Variants in OXNAD1 observed in about 807,000 individuals in gnomAD.
OXNAD1 encodes the protein oxidoreductase NAD binding domain containing 1.
In OXNAD1, 34 loss-of-function variants were observed where a neutral mutation model predicts 32.9. The observed-to-expected ratio is 1.03, with a 90% confidence interval of 0.79 to 1.38. OXNAD1 has a LOEUF of 1.38. OXNAD1 is among the 40% of genes most tolerant of loss of function. The probability of loss-of-function intolerance (pLI) is 0.00; values close to 1 mark genes in which losing one functional copy is unlikely to be tolerated. For missense variants in OXNAD1, 407 were observed against 379.4 expected, an observed-to-expected ratio of 1.07 and a Z score of -0.60; for synonymous variants, 134 against 135.2, an observed-to-expected ratio of 0.99 and a Z score of 0.06.
chr3:16,340,881 T>C (rs1301553968), downstream of OXNAD1, among the ~76,000 whole-genome samples: 2 of 152,136 alleles, frequency 1.3e-5, no homozygotes, highest in East Asian at 3.8e-4. Flanking sequence ...AGTCAAAGAC[T>C]AGGAGAAATA....
downstream of OXNAD1, among the ~76,000 whole-genome samples, chr3:16,306,457 A>T (rs1422351102): frequency 1.3e-5 from 2 of 152,240 alleles, no homozygotes; most frequent in Non-Finnish European, 2.9e-5. Context: ...AACACAAGTG[A>T]CAATGATTCC....
chr3:16,315,414 C>A (rs1382962407), intron 9 of OXNAD1, among the ~76,000 whole-genome samples: 1 of 152,130 alleles, frequency 6.6e-6, no homozygotes, highest in African/African-American at 2.4e-5. Flanking sequence ...CCATGCCTGG[C>A]CTACAAATGT....
In OXNAD1 at chr3:16,287,082, AC is replaced by A. The variant is rs2066124837; in HGVS notation, c.290+635del. Among the ~76,000 whole-genome samples, 1 of 152,222 alleles carries A rather than the reference AC, an allele frequency of 6.6e-6. No homozygotes were observed. Among genetic ancestry groups the A allele is most frequent in the Non-Finnish European group, 1.5e-5 (1 of 68,048 alleles). On this transcript the variant is annotated intron_variant, in intron 5 of 8. Coordinates refer to ENST00000285083, the MANE Select transcript of OXNAD1 (RefSeq NM_138381.5). The surrounding 1 kb of genome is among the most constrained non-coding windows in gnomAD (Gnocchi z 4.8). Reference sequence around the variant, plus strand: ...TGACTCGGGACTGATCAGCATGCTGACTGGGTAACATTTCCTCCGAATGGGG... The same window carrying A: ...TGACTCGGGACTGATCAGCATGCTGATGGGTAACATTTCCTCCGAATGGGG...
intron 9 of OXNAD1, among the ~76,000 whole-genome samples, chr3:16,319,136 T>C (rs1475999645): frequency 6.6e-6 from 1 of 152,132 alleles, no homozygotes; most frequent in African/African-American, 2.4e-5. Flanking sequence ...AGTCTCTCCT[T>C]TTTTTTAATG....
In OXNAD1 at chr3:16,287,546, A is replaced by G. The variant is rs895694953; in HGVS notation, c.290+1098A>G. 6.6e-6 allele frequency among the ~76,000 whole-genome samples: 1 copy of G among 152,216 alleles called. No individual in the cohort carries two copies. The highest frequency in any genetic ancestry group is 1.5e-5 in the Non-Finnish European group (1 of 68,038). Reference sequence around the variant, plus strand: ...CTTCAAAAATGGTTTAGCAGTCATTATATTGAAAAGTGGAAACTTTAATTG... The same window carrying G: ...CTTCAAAAATGGTTTAGCAGTCATTGTATTGAAAAGTGGAAACTTTAATTG... On this transcript the variant is annotated intron_variant, in intron 5 of 8. Coordinates refer to ENST00000285083, the MANE Select transcript of OXNAD1 (RefSeq NM_138381.5). This position sits in a 1 kb window ranked among gnomAD's most constrained non-coding sequence, Gnocchi z 4.8.
downstream of OXNAD1, among the ~76,000 whole-genome samples, chr3:16,352,018 G>A (rs1433960966): frequency 6.6e-6 from 1 of 152,198 alleles, no homozygotes; most frequent in Admixed American, 6.5e-5. The surrounding 1 kb of genome is among the most constrained non-coding windows in gnomAD (Gnocchi z 4.6). Context: ...TACTTCAGCA[G>A]ACACTCAACT....
rs752267754 is a variant in OXNAD1 at position 16,345,822 on chromosome 3, GCGCGCGTGCGCGCA to G, written c.*31-3348_*31-3335del. Among the ~76,000 whole-genome samples, 56 of 67,850 alleles carry G rather than the reference GCGCGCGTGCGCGCA, an allele frequency of 8.3e-4. No homozygotes were observed. The highest frequency in any genetic ancestry group is 1.6e-3 in the East Asian group (4 of 2,444). 44.5% of individuals were successfully genotyped at this position (67,850 alleles called of 152,430 possible). ...TGTGTGTGTGTGTGTGTGTGTGCGC[GCGCGCGTGCGCGCA>G]CGCGCACATGTGCATGTGTATGTGT... On this transcript the variant is annotated intron_variant, in intron 9 of 9. Transcript: ENST00000606098. This position sits in a 1 kb window ranked among gnomAD's most constrained non-coding sequence, Gnocchi z 5.2.
rs748645999 is a variant in OXNAD1, at chr3:16,317,135, T to C, written c.*30+13543T>C. ...AGACTGGTCTTCTAAGTTCTTCTCA[T>C]TTTCTTCTGCTTGTTGTTTGTCTCT... On this transcript the variant is annotated intron_variant, in intron 9 of 9. Coordinates refer to the OXNAD1 transcript ENST00000435829. The surrounding 1 kb of genome is among the most constrained non-coding windows in gnomAD (Gnocchi z 4.3). The C allele has an allele frequency of 1.2e-6, 2 of 1,613,806 alleles. No homozygotes were observed.
Position 16,271,421 on chromosome 3 carries a change from C to A in OXNAD1, c.120-238C>A, listed in dbSNP as rs2064931893. ...CTTTCTCCATGTTGGCCAGGCTGGTCTCGTACTCCTGACGTCAGATGATCT... is the reference window on the plus strand; with the variant it reads ...CTTTCTCCATGTTGGCCAGGCTGGTATCGTACTCCTGACGTCAGATGATCT... On this transcript the variant is annotated intron_variant, in intron 3 of 8. Transcript: ENST00000285083. This position sits in a 1 kb window ranked among gnomAD's most constrained non-coding sequence, Gnocchi z 4.6. Among the ~76,000 whole-genome samples the A allele has an allele frequency of 6.6e-6, 1 of 152,136 alleles. No homozygotes were observed. Among genetic ancestry groups the A allele is most frequent in the Admixed American group, 6.5e-5 (1 of 15,270 alleles).
rs1053255583 is a variant in OXNAD1 at position 16,344,879 on chromosome 3, C to CA, written c.*31-4295dup. 9.8e-5 allele frequency among the ~76,000 whole-genome samples: 15 copies of CA among 152,326 alleles called. 2 individuals carry two copies. The highest frequency in any genetic ancestry group is 3.9e-4 in the East Asian group (2 of 5,192). ...AACACATAACTACAAGAACACCCCC[C>CA]AACCTTTTATGCTCACTGATTTAAT... On this transcript the variant is annotated intron_variant, in intron 9 of 9. Transcript: ENST00000606098. The surrounding 1 kb of genome is among the most constrained non-coding windows in gnomAD (Gnocchi z 4.4).
chr3:16,334,354 A>G lies in OXNAD1; in HGVS notation c.*31-2758A>G, dbSNP rs1387465211. ...CAACCCTCCTGGAGAACAGTTTGAC[A>G]GTATCTTTCAAAATTACAAACACAT... is the stretch of plus-strand genomic sequence containing the variant. On this transcript the variant is annotated intron_variant, in intron 9 of 9. Coordinates refer to the OXNAD1 transcript ENST00000435829. This position sits in a 1 kb window ranked among gnomAD's most constrained non-coding sequence, Gnocchi z 4.3. 2.0e-5 allele frequency among the ~76,000 whole-genome samples: 3 copies of G among 152,328 alleles called. No individual in the cohort carries two copies. Among genetic ancestry groups the G allele is most frequent in the South Asian group, 4.1e-4 (2 of 4,824 alleles).
intron 6 of OXNAD1, among the ~76,000 whole-genome samples, chr3:16,300,410 T>C (rs1417966475): frequency 6.6e-6 from 1 of 152,248 alleles, no homozygotes; most frequent in Non-Finnish European, 1.5e-5. Context: ...ATGTGTTGTG[T>C]GGGTGACACA....
intron 9 of OXNAD1, among the ~76,000 whole-genome samples, chr3:16,330,821 G>A (rs2070236180): frequency 1.3e-5 from 2 of 152,182 alleles, no homozygotes; most frequent in South Asian, 4.1e-4. Flanking sequence ...AGAATGTAGA[G>A]TTTACTAAGA....
At chr3:16,306,848 C>T (rs765270068), downstream of OXNAD1, among the ~76,000 whole-genome samples, 2 of 152,100 alleles carry the variant, frequency 1.3e-5, no homozygotes, top group Non-Finnish European at 2.9e-5. Flanking sequence ...AATGTCTGTC[C>T]CACTTTTAAT....
At chr3:16,279,989 G>A (rs560221658) in intron 4 of OXNAD1, among the ~76,000 whole-genome samples, 34 of 152,234 alleles carry the variant, frequency 2.2e-4, no homozygotes, top group Non-Finnish European at 4.6e-4. Flanking sequence ...AAGACCACAA[G>A]TGCCTGGTTT....
At chr3:16,325,494 A>G (rs1486271026) in intron 9 of OXNAD1, among the ~76,000 whole-genome samples, 4 of 152,182 alleles carry the variant, frequency 2.6e-5, no homozygotes, top group African/African-American at 9.7e-5. Flanking sequence ...TCTTCTGGAA[A>G]TTGACCAGGA....
intron 9 of OXNAD1, among the ~76,000 whole-genome samples, chr3:16,333,551 CCT>C (rs2070535100): frequency 6.6e-6 from 1 of 152,146 alleles, no homozygotes. Context: ...GTCCAATCCC[CCT>C]CATTTAATAA....
intron 4 of OXNAD1, among the ~76,000 whole-genome samples, chr3:16,273,226 T>C (rs777888884): frequency 4.6e-5 from 7 of 152,186 alleles, no homozygotes; most frequent in Non-Finnish European, 8.8e-5. Flanking sequence ...TAGTATATTA[T>C]TTACTGTTTA....
intron 4 of OXNAD1, among the ~76,000 whole-genome samples, chr3:16,285,121 A>C (rs1425335405): frequency 1.3e-5 from 2 of 152,160 alleles, no homozygotes; most frequent in East Asian, 3.9e-4. Context: ...GGAGAAAGAA[A>C]GGTTAGGTAT....
Sources: allele counts gnomAD v4.1 joint callset (sites outside exome capture counted in the v4.1 genomes callset), GRCh38; gene constraint gnomAD v4.1.1; non-coding constraint Gnocchi (gnomAD v3.1); transcripts MANE v1.5; gene names NCBI Gene and HGNC (gene_info 2026-07-23, HGNC 2026-07-21).